The following COPG2 variants were observed in gnomAD, a reference collection of about 807,000 sequenced individuals.
COPG2 encodes coatomer subunit gamma-2.
In COPG2, 37 loss-of-function variants were observed where a neutral mutation model predicts 46.3. The ratio of observed to expected loss-of-function variants is 0.80; its 90% CI spans 0.61 to 1.05. The LOEUF is 1.05. COPG2 is among the 50% of genes least tolerant of loss of function. COPG2 has a pLI of 0.00. For synonymous variants in COPG2, 159 were observed against 129.7 expected (o/e 1.23, Z -1.53); for missense variants, 427 against 387.8 (o/e 1.10, Z -0.85).
At chr7:130,645,037 G>A (rs113342080) in intron 5 of COPG2, among the ~76,000 whole-genome samples, 2 of 149,768 alleles carry the variant, frequency 1.3e-5, no homozygotes, top group African/African-American at 5.0e-5. Context: ...ACTCCAGCCT[G>A]GGGGACAAGA....
chr7:130,646,942 C>CA (rs1795607297), intron 5 of COPG2, among the ~76,000 whole-genome samples: 13 of 120,598 alleles, frequency 1.1e-4, no homozygotes, highest in Non-Finnish European at 2.1e-4. Context: ...TATATATATA[C>CA]GTATATATAT....
intron 9 of COPG2, chr7:130,610,355 G>A (rs373204521): frequency 3.0e-6 from 1 of 333,730 alleles, no homozygotes; most frequent in South Asian, 2.4e-5. Context: ...GCAGATTCTA[G>A]AGATCTTTCT....
At chr7:130,608,706 T>G (rs1462078307) in intron 9 of COPG2, among the ~76,000 whole-genome samples, 1 of 152,146 alleles carries the variant, frequency 6.6e-6, no homozygotes, top group Non-Finnish European at 1.5e-5. Flanking sequence ...TGAATCTAAT[T>G]TGTCTTTTTT....
intron 9 of COPG2, among the ~76,000 whole-genome samples, chr7:130,598,139 T>G (rs1259593442): frequency 6.6e-6 from 1 of 151,286 alleles, no homozygotes; most frequent in Non-Finnish European, 1.5e-5. Flanking sequence ...GTATAAGATC[T>G]CAAGGATGCT....
chr7:130,605,187 G>C, intron 9 of COPG2: 2 of 519,884 alleles, frequency 3.8e-6, no homozygotes, highest in Admixed American at 1.9e-5. Flanking sequence ...ACTTTCTCCT[G>C]CTCTATCTTC....
chr7:130,550,455 A>G lies in COPG2; in HGVS notation c.1774+69T>C, dbSNP rs1398297051. ...AAAGAGTGACAATTAAATGAGTATT[A>G]GAGAAAATATGCTAATATTTTTTAG... On this transcript the variant is annotated intron_variant, in intron 17 of 23. Transcript: ENST00000425248. The G allele has an allele frequency of 3.5e-5, 11 of 312,434 alleles. No homozygotes were observed. In the East Asian group the frequency reaches 5.2e-4, roughly 15 times the overall value. 19.4% of individuals were successfully genotyped at this position (312,434 alleles called of 1,614,324 possible). A position where few individuals can be genotyped will look rare whatever the true frequency, so the allele number is the denominator to read the frequency against.
At chr7:130,600,526 G>C (rs1338288999) in intron 9 of COPG2, among the ~76,000 whole-genome samples, 1 of 152,132 alleles carries the variant, frequency 6.6e-6, no homozygotes, top group Non-Finnish European at 1.5e-5. Context: ...GCCTCCCAAA[G>C]TGCTAGGATT....
At chr7:130,511,833 A>G (rs530042073) in intron 20 of COPG2, 1 of 519,574 alleles carries the variant, frequency 1.9e-6, no homozygotes, top group African/African-American at 1.9e-5. Context: ...AGGAGGCAGC[A>G]GCAGACTAGC....
chr7:130,612,246 C>CA lies in COPG2; in HGVS notation c.493-9dup. The CA allele has an allele frequency of 1.4e-6, 2 of 1,411,574 alleles. No individual in the cohort carries two copies. The highest frequency in any genetic ancestry group is 2.6e-5 in the Admixed American group (1 of 37,794). 87.4% of individuals were successfully genotyped at this position (1,411,574 alleles called of 1,614,324 possible). A position where few individuals can be genotyped will look rare whatever the true frequency, so the allele number is the denominator to read the frequency against. ...GCTTATCTTCATCATGTGCTAAATA[C>CA]AGAAAAAAAAAAATGAGAATAAATA... is the stretch of plus-strand genomic sequence containing the variant. On this transcript the variant is annotated splice_polypyrimidine_tract_variant and intron_variant, in intron 7 of 23. Transcript: ENST00000425248.
chr7:130,562,930 T>C (rs1221814957), intron 11 of COPG2, among the ~76,000 whole-genome samples: 4 of 152,204 alleles, frequency 2.6e-5, no homozygotes, highest in African/African-American at 7.2e-5. Flanking sequence ...ACTGACCACA[T>C]GTGGCTGTGA....
intron 14 of COPG2, among the ~76,000 whole-genome samples, chr7:130,553,609 T>C (rs1793569329): frequency 6.6e-6 from 1 of 152,208 alleles, no homozygotes; most frequent in Admixed American, 6.5e-5. Flanking sequence ...TGAAGTGCTT[T>C]AAGTTATTTG....
chr7:130,648,439 TC>T (rs1795663380), intron 5 of COPG2, among the ~76,000 whole-genome samples: 1 of 152,018 alleles, frequency 6.6e-6, no homozygotes, highest in Non-Finnish European at 1.5e-5. Flanking sequence ...GTCCAAAATC[TC>T]ATCTAAATCT....
In COPG2 at chr7:130,589,298, A is replaced by C. The variant is rs529375265; in HGVS notation, c.737+21655T>G. 2.7e-5 allele frequency among the ~76,000 whole-genome samples: 4 copies of C among 149,862 alleles called. No individual in the cohort carries two copies. In the East Asian group the frequency reaches 5.8e-4, roughly 22 times the overall value. On this transcript the variant is annotated intron_variant, in intron 9 of 23. Coordinates refer to ENST00000425248, the MANE Select transcript of COPG2 (RefSeq NM_012133.6). ...CAGGTTTACTTTTTTTTTTTTTAAG[A>C]GTCGGGTCTCACTGTGTCACCTAGG...
chr7:130,587,150 T>TA (rs1794291392), intron 9 of COPG2, among the ~76,000 whole-genome samples: 1 of 151,194 alleles, frequency 6.6e-6, no homozygotes, highest in African/African-American at 2.4e-5. Context: ...CTACTGAAAA[T>TA]ACAAAAATTA....
intron 9 of COPG2, among the ~76,000 whole-genome samples, chr7:130,600,360 A>G (rs1554450208): frequency 6.6e-6 from 1 of 152,144 alleles, no homozygotes; most frequent in African/African-American, 2.4e-5. Flanking sequence ...TCCTGGGTTC[A>G]AGAGATTCTC....
chr7:130,592,894 T>G lies in COPG2; in HGVS notation c.737+18059A>C, dbSNP rs534736577. ...CACCTGATCACAACAGTGAGTAGCT[T>G]CAGCTTCTGTACTTAATGCAGTTTA... On this transcript the variant is annotated intron_variant, in intron 9 of 23. Coordinates refer to ENST00000425248, the MANE Select transcript of COPG2 (RefSeq NM_012133.6). Among the ~76,000 whole-genome samples, 6 of 152,362 alleles carry G rather than the reference T, an allele frequency of 3.9e-5. No homozygotes were observed. In the East Asian group the frequency reaches 7.7e-4, roughly 20 times the overall value.
At chr7:130,580,127 G>T (rs1207676435) in intron 9 of COPG2, among the ~76,000 whole-genome samples, 1 of 151,894 alleles carries the variant, frequency 6.6e-6, no homozygotes, top group African/African-American at 2.4e-5. Context: ...TAAAAGAACA[G>T]AGATTATAAC....
In COPG2 at chr7:130,550,518, G is replaced by A. The variant is rs936740007; in HGVS notation, c.1774+6C>T. ...ACTTATACACAGAAAAATGAATAGAGTGAACCTGCTTTCTGTTCAAAGACA... is the reference window on the plus strand; with the variant it reads ...ACTTATACACAGAAAAATGAATAGAATGAACCTGCTTTCTGTTCAAAGACA... On this transcript the variant is annotated splice_donor_region_variant and intron_variant, in intron 17 of 23. Transcript: ENST00000425248. The A allele has an allele frequency of 1.3e-5, 5 of 381,270 alleles. No homozygotes were observed. Among genetic ancestry groups the A allele is most frequent in the Non-Finnish European group, 1.4e-5 (3 of 215,700 alleles). 23.6% of individuals were successfully genotyped at this position (381,270 alleles called of 1,614,324 possible).
intron 9 of COPG2, 35 bp downstream of exon 9, chr7:130,610,918 T>C (rs377549103): frequency 1.4e-4 from 231 of 1,611,068 alleles, no homozygotes; most frequent in Non-Finnish European, 1.8e-4. Flanking sequence ...ACTTCGCAAA[T>C]GGAAAATAAC....
Sources: gnomAD v4.1 joint callset for allele counts (sites outside exome capture counted in the v4.1 genomes callset) on GRCh38, gnomAD v4.1.1 for gene constraint, MANE v1.5 for transcripts, NCBI Gene and HGNC (gene_info 2026-07-23, HGNC 2026-07-21) for gene names.